MTUS2: variants seen among roughly 807,000 people sequenced by gnomAD.
MTUS2 encodes the protein microtubule associated scaffold protein 2.
In MTUS2, 40 loss-of-function variants were observed where a neutral mutation model predicts 114.1. The observed-to-expected ratio is 0.35, with a 90% CI of 0.27 to 0.46. The LOEUF (loss-of-function observed/expected upper bound fraction) is 0.46. Among genes scored for constraint, MTUS2 ranks in the 20% least tolerant of loss-of-function variants. MTUS2 has a pLI of 1.00. For missense variants in MTUS2, 1,679 were observed against 1,705.4 expected, an observed-to-expected ratio of 0.98 and a Z score of 0.27; for synonymous variants, 688 against 672.0, an observed-to-expected ratio of 1.02 and a Z score of -0.37.
At chr13:29,482,380 G>A (rs560130123) in intron 10 of MTUS2, 1 of 152,304 alleles carries the variant, frequency 6.6e-6, no homozygotes, top group Admixed American at 6.5e-5. Flanking sequence ...ATTTCAAACT[G>A]GAGCGATGAA....
intron 7 of MTUS2, among the ~76,000 whole-genome samples, chr13:29,358,556 G>A (rs113705402): frequency 6.6e-4 from 101 of 152,298 alleles, no homozygotes; most frequent in Non-Finnish European, 1.2e-3. Context: ...CGTGCCTCAC[G>A]TGTGCAAAGG....
At chr13:29,492,524 G>A in intron 11 of MTUS2, 122 bp from the exon 12 acceptor site, 1 of 683,436 alleles carries the variant, frequency 1.5e-6, no homozygotes, top group Non-Finnish European at 2.5e-6. Context: ...CCTTAGGCTT[G>A]AATCTGCTAT....
At chr13:28,909,003 T>C (rs1298558858) in intron 2 of MTUS2, among the ~76,000 whole-genome samples, 2 of 151,604 alleles carry the variant, frequency 1.3e-5, no homozygotes, top group Non-Finnish European at 1.5e-5. Context: ...TGGTTATAGA[T>C]ATGCGGCATT....
intron 4 of MTUS2, among the ~76,000 whole-genome samples, chr13:29,084,876 C>G (rs1377761548): frequency 6.9e-6 from 1 of 145,754 alleles, no homozygotes; most frequent in Non-Finnish European, 1.5e-5. Context: ...GGTTTAAGAA[C>G]ACTGGGTTTA....
chr13:29,441,885 C>G (rs1020268968), intron 9 of MTUS2, among the ~76,000 whole-genome samples: 1 of 152,146 alleles, frequency 6.6e-6, no homozygotes, highest in African/African-American at 2.4e-5. Flanking sequence ...ACTACCTTAT[C>G]AAAAAGGATT....
At chr13:29,180,793 G>A (rs1310253862) in intron 5 of MTUS2, among the ~76,000 whole-genome samples, 1 of 152,152 alleles carries the variant, frequency 6.6e-6, no homozygotes, top group Non-Finnish European at 1.5e-5. Flanking sequence ...GTGGGACAGC[G>A]CCTATGAGAG....
At chr13:29,115,983 G>C (rs1891071049) in intron 5 of MTUS2, among the ~76,000 whole-genome samples, 1 of 152,162 alleles carries the variant, frequency 6.6e-6, no homozygotes, top group Non-Finnish European at 1.5e-5. Flanking sequence ...GACCAACCAG[G>C]CATTATAGGA....
At chr13:29,281,944 T>A (rs1299589897) in intron 6 of MTUS2, 79 bp downstream of exon 6, 2 of 1,422,290 alleles carry the variant, frequency 1.4e-6, no homozygotes, top group Non-Finnish European at 9.5e-7. Context: ...AAAGCCCCTG[T>A]GTACATCAGT....
intron 8 of MTUS2, among the ~76,000 whole-genome samples, chr13:29,363,073 A>G (rs143478131): frequency 3.3e-5 from 5 of 150,598 alleles, no homozygotes; most frequent in East Asian, 2.0e-4. Context: ...CAGACCCCCA[A>G]GTGGTGTAGT....
In MTUS2 at chr13:28,839,824, A is replaced by G. The variant is rs1245769187; in HGVS notation, c.-269A>G. On this transcript the variant is annotated 5_prime_UTR_variant, in exon 2 of 16. Transcript: ENST00000612955. ...ACTAGGGCCAATTGTCACCAATGGC[A>G]GTAAAACTCATTTTCTGGGGAATAG... 6.6e-6 allele frequency: 1 copy of G among 152,198 alleles called. No homozygotes were observed. Among genetic ancestry groups the G allele is most frequent in the Non-Finnish European group, 1.5e-5 (1 of 68,026 alleles). The allele number at this position is 152,198 out of a possible 1,614,324, so 9.4% of individuals were successfully genotyped here. A position where few individuals can be genotyped will look rare whatever the true frequency, so the allele number is the denominator to read the frequency against.
At chr13:29,081,277 G>A (rs181761463) in intron 4 of MTUS2, among the ~76,000 whole-genome samples, 1 of 152,156 alleles carries the variant, frequency 6.6e-6, no homozygotes, top group East Asian at 1.9e-4. Context: ...GGCCATAAGG[G>A]GAAATGAGAG....
At chr13:29,242,085 A>G (rs982232444) in intron 5 of MTUS2, among the ~76,000 whole-genome samples, 6 of 152,224 alleles carry the variant, frequency 3.9e-5, no homozygotes, top group Admixed American at 3.9e-4. Context: ...TTCTTTATGC[A>G]TAACTAGATA....
At chr13:29,490,906 G>A (rs889549024) in intron 11 of MTUS2, among the ~76,000 whole-genome samples, 2 of 152,200 alleles carry the variant, frequency 1.3e-5, no homozygotes, top group African/African-American at 2.4e-5. Context: ...CATGAGAACA[G>A]TTTAGAGAAT....
chr13:29,137,371 C>G (rs1892023278), intron 5 of MTUS2, among the ~76,000 whole-genome samples: 1 of 152,060 alleles, frequency 6.6e-6, no homozygotes, highest in South Asian at 2.1e-4. Context: ...CTCCCTGCTT[C>G]TTGGATGTTT....
At chr13:29,104,778 T>A (rs966820289) in intron 5 of MTUS2, among the ~76,000 whole-genome samples, 10 of 152,142 alleles carry the variant, frequency 6.6e-5, no homozygotes, top group Admixed American at 6.5e-4. Flanking sequence ...AATATTTACA[T>A]TGAAAGAGGG....
chr13:28,878,810 A>T (rs1878116906), intron 2 of MTUS2, among the ~76,000 whole-genome samples: 1 of 152,204 alleles, frequency 6.6e-6, no homozygotes, highest in Non-Finnish European at 1.5e-5. Flanking sequence ...ACGTATCTTT[A>T]TAGTAGAATG....
At chr13:29,029,641 T>A (rs1253350254) in intron 3 of MTUS2, among the ~76,000 whole-genome samples, 5 of 152,160 alleles carry the variant, frequency 3.3e-5, no homozygotes, top group Non-Finnish European at 4.4e-5. Flanking sequence ...TGGCTCATGG[T>A]TCTGCAGGCT....
At chr13:29,277,502 C>T (rs967067971) in intron 5 of MTUS2, among the ~76,000 whole-genome samples, 5 of 152,060 alleles carry the variant, frequency 3.3e-5, no homozygotes, top group African/African-American at 4.8e-5. Flanking sequence ...TTTAGTATAC[C>T]AGGACTGATC....
At position 29,025,368 on chromosome 13, in the gene MTUS2, G is replaced by A. The variant is rs750645094; in HGVS notation, c.670G>A (p.Ala224Thr). 6 of 1,613,788 alleles carry A rather than the reference G, an allele frequency of 3.7e-6. No homozygotes were observed. The highest frequency in any genetic ancestry group is 3.3e-5 in the South Asian group (3 of 91,066). ...GCCACAGAAGACATTGCCAGACCAC[G>A]CTGTCCCGGCAGCTTTCCCTGCAAC... The part of the protein sequence containing the change: ...EGPQKTLPDH[A>T]VPAAFPATDS... The change falls in exon 3 of 16, where the codon GCT (alanine) becomes ACT (threonine). Residue 224 changes from alanine to threonine, a missense_variant. Ala to Thr is a moderately conservative substitution (Grantham distance 58, BLOSUM62 0). Transcript: ENST00000612955.
Sources: gnomAD v4.1 joint callset for allele counts (sites outside exome capture counted in the v4.1 genomes callset) on GRCh38, gnomAD v4.1.1 for gene constraint, MANE v1.5 for transcripts, NCBI Gene and HGNC (gene_info 2026-07-23, HGNC 2026-07-21) for gene names.